Variants in GATM observed in about 807,000 individuals in gnomAD.
GATM encodes the protein glycine amidinotransferase, mitochondrial.
In GATM, 23 loss-of-function variants were observed where a neutral mutation model predicts 54.2. The observed-to-expected ratio is 0.42, with a 90% CI of 0.31 to 0.60. The LOEUF (loss-of-function observed/expected upper bound fraction) is 0.60. Among genes scored for constraint, GATM ranks in the 20% least tolerant of loss-of-function variants. The pLI, the probability that GATM is intolerant of heterozygous loss-of-function variation, is 0.14. For synonymous variants in GATM, 168 were observed against 183.1 expected (o/e 0.92, Z 0.67); for missense variants, 401 against 544.9 (o/e 0.74, Z 2.63).
At chr15:45,369,022 C>A (rs1313988414) in intron 3 of GATM, among the ~76,000 whole-genome samples, 2 of 152,124 alleles carry the variant, frequency 1.3e-5, no homozygotes, top group South Asian at 2.1e-4. Context: ...GTTTCTATTC[C>A]CCTTTTAATT....
intron 3 of GATM, among the ~76,000 whole-genome samples, chr15:45,394,494 T>C (rs140756723): frequency 2.0e-5 from 3 of 152,318 alleles, no homozygotes; most frequent in East Asian, 1.9e-4. Flanking sequence ...AGGTTACATG[T>C]TGAGGAAAAC....
chr15:45,393,489 A>G (rs1292947721), intron 3 of GATM, among the ~76,000 whole-genome samples: 1 of 152,160 alleles, frequency 6.6e-6, no homozygotes, highest in Non-Finnish European at 1.5e-5. Flanking sequence ...GTAAACACTT[A>G]CAACTGTACC....
Position 45,376,760 on chromosome 15 carries a change from C to A in GATM, c.129G>T (p.Thr43=), listed in dbSNP as rs1021618875. ...QRTFQSTQAA[T]ASSRNSCAAD... Reference sequence around the variant, plus strand: ...CTGCACAGGAGTTCCGGGAGGAAGCCGTAGCTGCCTGGGTGCTCTGGAAAG... The same window carrying A: ...CTGCACAGGAGTTCCGGGAGGAAGCAGTAGCTGCCTGGGTGCTCTGGAAAG... Residue 43 remains threonine (T), a synonymous_variant, in exon 2 of 9, where the codon ACG becomes ACT. Coordinates refer to ENST00000396659, the MANE Select transcript of GATM (RefSeq NM_001482.3). 1 of 1,614,166 alleles carries A rather than the reference C, an allele frequency of 6.2e-7. No homozygotes were observed. Among genetic ancestry groups the A allele is most frequent in the East Asian group, 2.2e-5 (1 of 44,878 alleles).
intron 2 of GATM, among the ~76,000 whole-genome samples, chr15:45,375,305 G>A (rs1023544968): frequency 2.6e-5 from 4 of 152,128 alleles, no homozygotes; most frequent in African/African-American, 7.2e-5. Context: ...TCCTGACCTC[G>A]TGATCCACCC....
At chr15:45,393,873 T>G (rs1394439972) in intron 3 of GATM, among the ~76,000 whole-genome samples, 2 of 152,228 alleles carry the variant, frequency 1.3e-5, no homozygotes, top group Non-Finnish European at 2.9e-5. Context: ...ATGCTCAACC[T>G]GTAGTATGTC....
chr15:45,381,967 A>G (rs1889746152), upstream of GATM, among the ~76,000 whole-genome samples: 1 of 152,234 alleles, frequency 6.6e-6, no homozygotes, highest in South Asian at 2.1e-4. Flanking sequence ...GGAAACAGGA[A>G]TGAGAGAGAT....
chr15:45,396,869 C>CAAAAAAAAAAAAA (rs57667717), intron 3 of GATM: 9 of 66,470 alleles, frequency 1.4e-4, no homozygotes, highest in Non-Finnish European at 2.1e-4. Flanking sequence ...GACTCCGTCT[C>CAAAAAAAAAAAAA]AAAAAAAAAA....
intron 3 of GATM, among the ~76,000 whole-genome samples, chr15:45,389,543 A>G (rs914383481): frequency 6.6e-6 from 1 of 152,210 alleles, no homozygotes; most frequent in African/African-American, 2.4e-5. Context: ...TCCCAGGCTG[A>G]AGTGATCCTC....
intron 2 of GATM, among the ~76,000 whole-genome samples, 177 bp downstream of exon 2, chr15:45,376,413 AAGCTCTTCAGG>A (rs1889635682): frequency 5.4e-5 from 2 of 36,764 alleles, no homozygotes; most frequent in African/African-American, 1.6e-3. Context: ...GAGCTTCAGG[AAGCTCTTCAGG>A]AAGGAAGCAA....
chr15:45,383,248 T>G (rs1212634620), upstream of GATM, among the ~76,000 whole-genome samples: 1 of 152,248 alleles, frequency 6.6e-6, no homozygotes. Context: ...ACGAGTCATT[T>G]TAGGATTTTT....
chr15:45,365,012 G>A, intron 6 of GATM, 152 bp from the exon 7 acceptor site: 1 of 691,590 alleles, frequency 1.4e-6, no homozygotes, highest in Admixed American at 2.6e-5. Flanking sequence ...AAACATTTGG[G>A]TGATTTTGTC....
intron 6 of GATM, among the ~76,000 whole-genome samples, chr15:45,365,630 G>C (rs1004295254): frequency 6.6e-6 from 1 of 152,206 alleles, no homozygotes; most frequent in Non-Finnish European, 1.5e-5. Flanking sequence ...AGCAGGGTTG[G>C]CCAAAGGGAG....
chr15:45,372,698 G>C (rs1254518416), intron 2 of GATM, among the ~76,000 whole-genome samples: 4 of 152,190 alleles, frequency 2.6e-5, no homozygotes, highest in African/African-American at 9.6e-5. Context: ...GTGACTATTT[G>C]TGCAGGGTGA....
At chr15:45,400,577 T>C (rs1889988999) in intron 1 of GATM, among the ~76,000 whole-genome samples, 1 of 152,244 alleles carries the variant, frequency 6.6e-6, no homozygotes, top group African/African-American at 2.4e-5. Flanking sequence ...ATCAACCTCT[T>C]AGACCAACCA....
chr15:45,399,696 G>A (rs1005147478), intron 1 of GATM: 1 of 152,254 alleles, frequency 6.6e-6, no homozygotes, highest in Non-Finnish European at 1.5e-5. Flanking sequence ...AGAGACAACA[G>A]ATGGCTTCAT....
At chr15:45,384,261 G>C (rs1889779300) in intron 3 of GATM, among the ~76,000 whole-genome samples, 1 of 152,200 alleles carries the variant, frequency 6.6e-6, no homozygotes, top group Non-Finnish European at 1.5e-5. Context: ...AGATATCTCT[G>C]AGTGTTTTTT....
rs2140635633 is a variant in GATM at position 45,362,057 on chromosome 15, C to T, written c.*52G>A. On this transcript the variant is annotated 3_prime_UTR_variant, in exon 9 of 9. Transcript: ENST00000396659. ...TTAAAGCAGGAGAATGAACCTTGCC[C>T]CTAAGCTTCTTAGGTGTATCTGAGG... The T allele has an allele frequency of 9.3e-7, 1 of 1,076,718 alleles. No homozygotes were observed. Among genetic ancestry groups the T allele is most frequent in the East Asian group, 2.4e-5 (1 of 42,186 alleles). 66.7% of individuals were successfully genotyped at this position (1,076,718 alleles called of 1,614,324 possible).
chr15:45,392,368 C>T (rs142317709), intron 3 of GATM, among the ~76,000 whole-genome samples: 8 of 152,308 alleles, frequency 5.3e-5, no homozygotes, highest in Non-Finnish European at 7.3e-5. Context: ...TGTGTATGCA[C>T]GTGCGTGTGC....
At chr15:45,365,236 CCTT>C (rs1236511627) in intron 6 of GATM, among the ~76,000 whole-genome samples, 3 of 152,160 alleles carry the variant, frequency 2.0e-5, no homozygotes, top group Non-Finnish European at 4.4e-5. Flanking sequence ...AACCCACAGT[CCTT>C]CTACTTCTTG....
Sources: gnomAD v4.1 joint callset for allele counts (sites outside exome capture counted in the v4.1 genomes callset) on GRCh38, gnomAD v4.1.1 for gene constraint, MANE v1.5 for transcripts, NCBI Gene and HGNC (gene_info 2026-07-23, HGNC 2026-07-21) for gene names.